Variants in EPHA6 observed in about 807,000 individuals in gnomAD.
EPHA6 encodes the protein EPH receptor A6.
In EPHA6, 50 loss-of-function variants were observed where a neutral mutation model predicts 112.0. The observed-to-expected ratio is 0.45, with a 90% CI of 0.36 to 0.56. The LOEUF (loss-of-function observed/expected upper bound fraction) is 0.56. Among genes scored for constraint, EPHA6 ranks in the 20% least tolerant of loss-of-function variants. The pLI, the probability that EPHA6 is intolerant of heterozygous loss-of-function variation, is 0.00. For missense variants in EPHA6, 1,280 were observed against 1,417.4 expected, an observed-to-expected ratio of 0.90 and a Z score of 1.56; for synonymous variants, 529 against 490.7, an observed-to-expected ratio of 1.08 and a Z score of -1.03.
At chr3:97,267,205 C>T (rs1034004190) in intron 5 of EPHA6, among the ~76,000 whole-genome samples, 1 of 152,034 alleles carries the variant, frequency 6.6e-6, no homozygotes, top group Non-Finnish European at 1.5e-5. Flanking sequence ...GCCACTTAAA[C>T]AAACCTAGTA....
At chr3:97,049,689 G>A (rs1393117506) in intron 3 of EPHA6, among the ~76,000 whole-genome samples, 1 of 152,094 alleles carries the variant, frequency 6.6e-6, no homozygotes, top group African/African-American at 2.4e-5. Context: ...GATTCTGATG[G>A]CTAGGAATTT....
chr3:97,314,092 A>C (rs2081690832), intron 5 of EPHA6, among the ~76,000 whole-genome samples: 1 of 151,504 alleles, frequency 6.6e-6, no homozygotes, highest in African/African-American at 2.4e-5. Flanking sequence ...ATTCTAATGC[A>C]TGTAAATATC....
chr3:97,266,242 A>C (rs936053544), intron 5 of EPHA6, among the ~76,000 whole-genome samples: 1 of 152,200 alleles, frequency 6.6e-6, no homozygotes, highest in African/African-American at 2.4e-5. Context: ...TTTTATGTAC[A>C]TGCATACATA....
chr3:97,220,534 A>G (rs2108531934), intron 3 of EPHA6, among the ~76,000 whole-genome samples: 1 of 152,306 alleles, frequency 6.6e-6, no homozygotes, highest in Non-Finnish European at 1.5e-5. Context: ...GCAGAAGGCA[A>G]AGGGGAAGCA....
chr3:96,962,209 G>A (rs1327904293), intron 2 of EPHA6, among the ~76,000 whole-genome samples: 1 of 151,994 alleles, frequency 6.6e-6, no homozygotes, highest in African/African-American at 2.4e-5. Context: ...AAGGTCTAAG[G>A]AAATGGGCAG....
intron 5 of EPHA6, among the ~76,000 whole-genome samples, chr3:97,272,327 TGTGTGTA>T (rs2079912843): frequency 6.9e-6 from 1 of 144,410 alleles, no homozygotes; most frequent in African/African-American, 2.5e-5. Flanking sequence ...TGTGTGTGTG[TGTGTGTA>T]CATACATATG....
intron 3 of EPHA6, among the ~76,000 whole-genome samples, chr3:97,029,051 A>G (rs998070968): frequency 6.6e-6 from 1 of 151,618 alleles, no homozygotes; most frequent in Non-Finnish European, 1.5e-5. Flanking sequence ...CGACTTAAGT[A>G]TATCAAAATT....
intron 1 of EPHA6, among the ~76,000 whole-genome samples, chr3:96,858,187 A>T (rs901006566): frequency 2.6e-5 from 4 of 152,014 alleles, no homozygotes; most frequent in Non-Finnish European, 5.9e-5. Context: ...CAGCAAGCAA[A>T]TTTTTTTGTG....
intron 3 of EPHA6, among the ~76,000 whole-genome samples, chr3:97,001,548 C>T (rs1436260476): frequency 6.6e-6 from 1 of 151,828 alleles, no homozygotes; most frequent in African/African-American, 2.4e-5. Context: ...GAAAATTTGA[C>T]TTTTATAAAT....
chr3:97,143,701 T>C (rs1396173199), intron 3 of EPHA6, among the ~76,000 whole-genome samples: 1 of 151,728 alleles, frequency 6.6e-6, no homozygotes, highest in Non-Finnish European at 1.5e-5. Context: ...CCAGGGTCAA[T>C]GGCTTCCTTC....
chr3:96,855,753 G>A (rs1318280702), intron 1 of EPHA6, among the ~76,000 whole-genome samples: 1 of 151,016 alleles, frequency 6.6e-6, no homozygotes, highest in Non-Finnish European at 1.5e-5. Flanking sequence ...TTCAAAATAT[G>A]GCAGTTTTAT....
intron 3 of EPHA6, among the ~76,000 whole-genome samples, chr3:97,157,509 C>CGA (rs970645368): frequency 6.6e-6 from 1 of 151,650 alleles, no homozygotes; most frequent in Non-Finnish European, 1.5e-5. Context: ...TACCTTCTGT[C>CGA]GAGAGAGAGA....
At chr3:97,324,435 T>TTCTTTCTTTC (rs2082290778) in intron 5 of EPHA6, among the ~76,000 whole-genome samples, 2 of 148,370 alleles carry the variant, frequency 1.3e-5, no homozygotes, top group Admixed American at 6.8e-5. Flanking sequence ...CTTTCTTTCT[T>TTCTTTCTTTC]TCTTTCTTTC....
At chr3:97,456,182 T>C (rs1442324416) in intron 7 of EPHA6, among the ~76,000 whole-genome samples, 1 of 152,168 alleles carries the variant, frequency 6.6e-6, no homozygotes, top group Non-Finnish European at 1.5e-5. Flanking sequence ...ATTATTTCTT[T>C]GGTATATAAA....
chr3:97,582,988 T>C (rs556742077), intron 11 of EPHA6, among the ~76,000 whole-genome samples: 1 of 151,118 alleles, frequency 6.6e-6, no homozygotes, highest in Non-Finnish European at 1.5e-5. Context: ...GAATGGCCAG[T>C]CTGGTCTATA....
intron 5 of EPHA6, among the ~76,000 whole-genome samples, chr3:97,326,732 C>T (rs1297802723): frequency 6.6e-6 from 1 of 151,948 alleles, no homozygotes; most frequent in Non-Finnish European, 1.5e-5. Flanking sequence ...TTCCCCACTG[C>T]AAAGAACAAA....
At chr3:96,981,368 G>C (rs13158077) in intron 2 of EPHA6, among the ~76,000 whole-genome samples, 1 of 152,052 alleles carries the variant, frequency 6.6e-6, no homozygotes, top group African/African-American at 2.4e-5. Flanking sequence ...ATTTGTTTAT[G>C]TTGAACCAGC....
At chr3:97,055,378 A>T (rs919578959) in intron 3 of EPHA6, among the ~76,000 whole-genome samples, 1 of 152,156 alleles carries the variant, frequency 6.6e-6, no homozygotes, top group African/African-American at 2.4e-5. Context: ...CCCCTCATCC[A>T]TAGGGGGAAC....
At chr3:97,510,967 C>T (rs993629884) in intron 10 of EPHA6, among the ~76,000 whole-genome samples, 1 of 152,194 alleles carries the variant, frequency 6.6e-6, no homozygotes, top group Admixed American at 6.5e-5. Flanking sequence ...TTTACACTTC[C>T]CAGCAGCTTT....
Sources: allele counts gnomAD v4.1 joint callset (sites outside exome capture counted in the v4.1 genomes callset), GRCh38; gene constraint gnomAD v4.1.1; transcripts MANE v1.5; gene names NCBI Gene and HGNC (gene_info 2026-07-23, HGNC 2026-07-21).